The following FAM53A variants were observed in gnomAD, a reference collection of about 807,000 sequenced individuals.
The protein encoded by FAM53A is family with sequence similarity 53 member A.
FAM53A carries 28 observed loss-of-function variants against 26.6 expected under a neutral mutation model. The observed-to-expected ratio is 1.05, with a 90% CI of 0.78 to 1.45. The LOEUF (loss-of-function observed/expected upper bound fraction) is 1.45, where lower values mean the gene tolerates loss of function less well. FAM53A is among the 40% of genes most tolerant of loss of function. The probability of loss-of-function intolerance (pLI) is 0.00; values close to 1 mark genes in which losing one functional copy is unlikely to be tolerated. For missense variants in FAM53A, 650 were observed against 575.8 expected, an observed-to-expected ratio of 1.13 and a Z score of -1.32; for synonymous variants, 290 against 253.1, an observed-to-expected ratio of 1.15 and a Z score of -1.38.
At chr4:1,632,201 G>A (rs1344187848) in intron 1 of FAM53A, among the ~76,000 whole-genome samples, 5 of 151,002 alleles carry the variant, frequency 3.3e-5, no homozygotes, top group Non-Finnish European at 4.4e-5. Context: ...TTGGAGATAC[G>A]GTCTCTAAAG....
chr4:1,631,350 T>A (rs181495046), intron 1 of FAM53A, among the ~76,000 whole-genome samples: 6 of 152,306 alleles, frequency 3.9e-5, no homozygotes, highest in Admixed American at 3.9e-4. Context: ...CAAGGCCAGG[T>A]CTCTGGGCCT....
the FAM53A span, among the ~76,000 whole-genome samples, chr4:1,589,647 C>T: frequency 6.6e-6 from 1 of 152,164 alleles, no homozygotes; most frequent in African/African-American, 2.4e-5. Flanking sequence ...ACTGTGGTGT[C>T]AATTTGGCAC....
chr4:1,648,320 TGTGG>T (rs1348625603), intron 4 of FAM53A, among the ~76,000 whole-genome samples: 12 of 151,688 alleles, frequency 7.9e-5, no homozygotes, highest in Admixed American at 7.9e-4. Context: ...GGTAGGTGGG[TGTGG>T]GTGAAGACTG....
chr4:1,625,482 A>G (rs56002854), intron 1 of FAM53A, among the ~76,000 whole-genome samples: 1,743 of 23,300 alleles, frequency 0.075, 84 homozygotes, highest in Non-Finnish European at 0.093. Context: ...TCAGGGTCAC[A>G]CCAGGTGATC....
At chr4:1,658,535 G>A (rs1410728562) in intron 2 of FAM53A, among the ~76,000 whole-genome samples, 1 of 152,254 alleles carries the variant, frequency 6.6e-6, no homozygotes, top group African/African-American at 2.4e-5. Flanking sequence ...GCTCTGGAGT[G>A]TGGTGCTGGT....
intron 1 of FAM53A, among the ~76,000 whole-genome samples, chr4:1,671,773 C>T (rs10025753): frequency 0.29 from 44,454 of 152,302 alleles, 6,925 homozygotes; most frequent in Middle Eastern, 0.45. Context: ...TGCACACCCA[C>T]CTTCCAAACC....
At chr4:1,673,492 G>C (rs997947645) in intron 1 of FAM53A, among the ~76,000 whole-genome samples, 2 of 152,196 alleles carry the variant, frequency 1.3e-5, no homozygotes, top group South Asian at 2.1e-4. Context: ...CCAGCACCTT[G>C]GGAGGCCGAG....
chr4:1,646,088 T>A (rs1048491984), intron 4 of FAM53A, among the ~76,000 whole-genome samples: 1 of 149,138 alleles, frequency 6.7e-6, no homozygotes, highest in Non-Finnish European at 1.5e-5. Context: ...GGTCTTGGGC[T>A]CCCAGCCTCC....
chr4:1,667,939 T>C (rs1230251633), intron 2 of FAM53A, among the ~76,000 whole-genome samples: 2 of 152,114 alleles, frequency 1.3e-5, no homozygotes. Flanking sequence ...AAAATCAAGC[T>C]GCCCGCAGGA....
intron 1 of FAM53A, among the ~76,000 whole-genome samples, chr4:1,633,224 C>T (rs1220265534): frequency 6.6e-6 from 1 of 152,242 alleles, no homozygotes; most frequent in African/African-American, 2.4e-5. Flanking sequence ...CGGTGAAACA[C>T]TCACAGGCTT....
chr4:1,684,321 A>G (rs1380983593), upstream of FAM53A: 2 of 149,706 alleles, frequency 1.3e-5, no homozygotes, highest in Non-Finnish European at 3.0e-5. Flanking sequence ...GCCGCGGCGG[A>G]ACAAAACCGC....
chr4:1,675,651 G>C (rs1443148374), intron 1 of FAM53A, among the ~76,000 whole-genome samples: 4 of 152,284 alleles, frequency 2.6e-5, no homozygotes, highest in Non-Finnish European at 4.4e-5. Flanking sequence ...TCAAGGTCTG[G>C]AGGACCGCAG....
At chr4:1,653,144 A>C (rs1713027825) in intron 4 of FAM53A, among the ~76,000 whole-genome samples, 1 of 151,548 alleles carries the variant, frequency 6.6e-6, no homozygotes, top group African/African-American at 2.4e-5. Context: ...CACGTGTGCC[A>C]CACACACACC....
downstream of FAM53A, among the ~76,000 whole-genome samples, chr4:1,637,078 G>C (rs1428847785): frequency 1.3e-5 from 2 of 152,034 alleles, no homozygotes; most frequent in African/African-American, 4.8e-5. Flanking sequence ...GCCTGGTGAG[G>C]GCCACAACCG....
the FAM53A span, among the ~76,000 whole-genome samples, chr4:1,590,244 T>C: frequency 6.6e-6 from 1 of 152,256 alleles, no homozygotes; most frequent in Admixed American, 6.5e-5. Flanking sequence ...GTCTTTATTA[T>C]GCCAATTCTT....
chr4:1,592,044 G>A, the FAM53A span, among the ~76,000 whole-genome samples: 3 of 152,180 alleles, frequency 2.0e-5, no homozygotes, highest in African/African-American at 4.8e-5. Flanking sequence ...ACGGCTGGAT[G>A]ATAAATGGAT....
the FAM53A span, among the ~76,000 whole-genome samples, chr4:1,602,695 C>G: frequency 6.6e-6 from 1 of 152,160 alleles, no homozygotes; most frequent in Admixed American, 6.5e-5. Flanking sequence ...GCAGGAGCTG[C>G]GAGGCCAGGC....
At chr4:1,670,430 C>T (rs1008218216) in intron 1 of FAM53A, among the ~76,000 whole-genome samples, 4 of 152,222 alleles carry the variant, frequency 2.6e-5, no homozygotes, top group Admixed American at 6.5e-5. Context: ...GGCACAGCCC[C>T]GCTGCTGCCA....
chr4:1,585,134 CAATG>C, the FAM53A span, among the ~76,000 whole-genome samples: 1 of 152,144 alleles, frequency 6.6e-6, no homozygotes, highest in Non-Finnish European at 1.5e-5. Context: ...AATCTACTCT[CAATG>C]ACTTTCAACA....
Sources: allele counts gnomAD v4.1 joint callset (sites outside exome capture counted in the v4.1 genomes callset), GRCh38; gene constraint gnomAD v4.1.1; transcripts MANE v1.5; gene names NCBI Gene and HGNC (gene_info 2026-07-23, HGNC 2026-07-21).